ITPR3: variants seen among roughly 807,000 people sequenced by gnomAD.
ITPR3 encodes inositol 1,4,5-trisphosphate-gated calcium channel ITPR3.
In ITPR3, 173 loss-of-function variants were observed where a neutral mutation model predicts 293.2. That is an observed-to-expected ratio of 0.59 (90% CI 0.52 to 0.67). The LOEUF (loss-of-function observed/expected upper bound fraction) is 0.67, where lower values mean the gene tolerates loss of function less well. Among genes scored for constraint, ITPR3 ranks in the 30% least tolerant of loss-of-function variants. The pLI, the probability that ITPR3 is intolerant of heterozygous loss-of-function variation, is 0.00. For missense variants in ITPR3, 2,796 were observed against 3,592.1 expected, an observed-to-expected ratio of 0.78 and a Z score of 5.66; for synonymous variants, 1,295 against 1,444.4, an observed-to-expected ratio of 0.90 and a Z score of 2.35.
chr6:33,672,228 G>A lies in ITPR3; in HGVS notation c.2928G>A (p.Gln976=). 6.2e-7 allele frequency: 1 copy of A among 1,613,666 alleles called. No individual in the cohort carries two copies. Among genetic ancestry groups the A allele is most frequent in the Non-Finnish European group, 8.5e-7 (1 of 1,179,884 alleles). ...ETKLKILEIL[Q]FILNVRLDYR... is the part of the protein sequence containing the mutation. ...AGCTGAAGATCCTGGAAATCCTTCA[G>A]GTGCCTGGGCCAGGACCGTGTGGGA... Residue 976 remains glutamine, a splice_region_variant and synonymous_variant, in exon 22 of 58, where the codon CAG becomes CAA. Coordinates refer to ENST00000605930, the MANE Select transcript of ITPR3 (RefSeq NM_002224.4). This position sits in a 1 kb window ranked among gnomAD's most constrained non-coding sequence, Gnocchi z 5.0.
At position 33,633,341 on chromosome 6, in the gene ITPR3, G is replaced by A. The variant is rs1763727535; in HGVS notation, c.90-7143G>A. Among the ~76,000 whole-genome samples the A allele has an allele frequency of 6.6e-6, 1 of 152,194 alleles. No individual in the cohort carries two copies. The highest frequency in any genetic ancestry group is 2.4e-5 in the African/African-American group (1 of 41,456). ...TGTGGGGAGGCGTTGGCGAGAGGGGGGTGAAGCGAAGCGGCCACTTACCCC... is the reference window on the plus strand; with the variant it reads ...TGTGGGGAGGCGTTGGCGAGAGGGGAGTGAAGCGAAGCGGCCACTTACCCC... On this transcript the variant is annotated intron_variant, in intron 1 of 57. Transcript: ENST00000605930. The surrounding 1 kb of genome is among the most constrained non-coding windows in gnomAD (Gnocchi z 5.2).
At chr6:33,685,320 C>T (rs1224149417) in intron 39 of ITPR3, 39 bp from the exon 40 acceptor site, 23 of 1,572,008 alleles carry the variant, frequency 1.5e-5, no homozygotes, top group Non-Finnish European at 1.7e-5. Context: ...GAGCAGGGCC[C>T]AGTGCTGAGG....
chr6:33,657,863 G>A (rs1764350965), intron 3 of ITPR3, 69 bp from the exon 4 acceptor site: 14 of 1,298,418 alleles, frequency 1.1e-5, no homozygotes, highest in Non-Finnish European at 1.3e-5. Context: ...GCATGTGTGG[G>A]GCTGGGGTAT....
intron 1 of ITPR3, 32 bp from the exon 2 acceptor site, chr6:33,640,452 T>C: frequency 1.2e-6 from 2 of 1,606,332 alleles, no homozygotes; most frequent in Non-Finnish European, 1.7e-6. Flanking sequence ...AGGTCTCTTC[T>C]CTCCTGCTGA....
intron 1 of ITPR3, among the ~76,000 whole-genome samples, chr6:33,634,334 A>C (rs903229917): frequency 6.6e-6 from 1 of 152,136 alleles, no homozygotes; most frequent in African/African-American, 2.4e-5. Context: ...CTTGGGGGAC[A>C]CAGAATGGAG....
rs777648957 is a variant in ITPR3, at chr6:33,679,081, C to A, written c.3972+242C>A. On this transcript the variant is annotated intron_variant, in intron 30 of 57. Transcript: ENST00000605930. The surrounding 1 kb of genome is among the most constrained non-coding windows in gnomAD (Gnocchi z 4.2). The stretch of plus-strand genomic sequence containing the variant: ...CATCAGGCACCTAGCAGAACTCAGA[C>A]AACAGGCCAGAAAGAAATCAAGCAT... Among the ~76,000 whole-genome samples, 3 of 152,240 alleles carry A rather than the reference C, an allele frequency of 2.0e-5. No individual in the cohort carries two copies. The highest frequency in any genetic ancestry group is 6.5e-5 in the Admixed American group (1 of 15,288).
rs765666097 is a variant in ITPR3, at chr6:33,663,763, G to C, written c.1031G>C (p.Arg344Thr). 6.2e-7 allele frequency: 1 copy of C among 1,614,118 alleles called. No individual in the cohort carries two copies. The highest frequency in any genetic ancestry group is 1.1e-5 in the South Asian group (1 of 91,088). Residue 344 changes from arginine to threonine, a missense_variant, in exon 11 of 58, where the codon AGG (arginine) becomes ACG (threonine). This residue lies in a region of ITPR3 where 955 missense variants were observed against 1,180.8 expected (regional missense o/e 0.81). Coordinates refer to ENST00000605930, the MANE Select transcript of ITPR3 (RefSeq NM_002224.4). ...GGGGCACAGGGCCGCACAGGCCGCA[G>C]GAATGCTGGGGAGAAGATCAAGTAC... ...GMGAQGRTGR[R>T]NAGEKIKYCL...
Position 33,621,529 on chromosome 6 carries a change from T to C in ITPR3, c.-74T>C. 9.0e-7 allele frequency: 1 copy of C among 1,113,656 alleles called. No individual in the cohort carries two copies. Among genetic ancestry groups the C allele is most frequent in the Non-Finnish European group, 1.3e-6 (1 of 750,976 alleles). 69.0% of individuals were successfully genotyped at this position (1,113,656 alleles called of 1,614,324 possible). A position where few individuals can be genotyped will look rare whatever the true frequency, so the allele number is the denominator to read the frequency against. ...TACCCCTCCCCGCTCCCCGGACGCC[T>C]CAGTCCTCCGCACTGAGCTTGGCCA... On this transcript the variant is annotated 5_prime_UTR_variant, in exon 1 of 58. Coordinates refer to ENST00000605930, the MANE Select transcript of ITPR3 (RefSeq NM_002224.4). This position sits in a 1 kb window ranked among gnomAD's most constrained non-coding sequence, Gnocchi z 7.7.
chr6:33,687,396 T>G lies in ITPR3; in HGVS notation c.6177+69T>G. On this transcript the variant is annotated intron_variant, in intron 45 of 57. Transcript: ENST00000605930. This position sits in a 1 kb window ranked among gnomAD's most constrained non-coding sequence, Gnocchi z 5.3. ...CCATACCCCGCCCCAGCTGCCATCA[T>G]CCCCCAGTCGCCATTGTCGCCCCCC... 1 of 1,455,456 alleles carries G rather than the reference T, an allele frequency of 6.9e-7. No homozygotes were observed. Among genetic ancestry groups the G allele is most frequent in the African/African-American group, 1.4e-5 (1 of 71,440 alleles). 90.2% of individuals were successfully genotyped at this position (1,455,456 alleles called of 1,614,324 possible).
At chr6:33,626,615 T>C (rs1162490766) in intron 1 of ITPR3, among the ~76,000 whole-genome samples, 1 of 152,214 alleles carries the variant, frequency 6.6e-6, no homozygotes, top group Admixed American at 6.5e-5. Flanking sequence ...GCATCTACCA[T>C]GTGCTAGGCA....
intron 21 of ITPR3, among the ~76,000 whole-genome samples, chr6:33,671,703 A>G (rs1764771786): frequency 1.3e-5 from 2 of 152,188 alleles, no homozygotes; most frequent in Non-Finnish European, 2.9e-5. Context: ...AGAGCCTGGC[A>G]CTGGTTTTCG....
Position 33,667,897 on chromosome 6 carries a change from GA to G in ITPR3, c.1823del (p.Lys608SerfsTer66). ...GCTGCACAACAACCGCAAGCTCCTG[GA>G]AAAGCACATCACCAAGACCGAGGTG... ...ALLHNNRKLL[E>X]KHITKTEVET... On this transcript the variant is annotated frameshift_variant, in exon 16 of 58. Coordinates refer to ENST00000605930, the MANE Select transcript of ITPR3 (RefSeq NM_002224.4). LOFTEE classifies it high-confidence loss of function. The surrounding 1 kb of genome is among the most constrained non-coding windows in gnomAD (Gnocchi z 4.4). 6.2e-7 allele frequency: 1 copy of G among 1,614,216 alleles called. No homozygotes were observed. Among genetic ancestry groups the G allele is most frequent in the East Asian group, 2.2e-5 (1 of 44,878 alleles).
intron 1 of ITPR3, among the ~76,000 whole-genome samples, chr6:33,622,297 G>A (rs910822809): frequency 8.5e-5 from 13 of 152,070 alleles, no homozygotes; most frequent in African/African-American, 3.1e-4. Context: ...GTCATCTGGC[G>A]CCCTTGGGTC....
chr6:33,682,459 CTGGACCTGGGGTTGCCCAGGGTG>C lies in ITPR3; in HGVS notation c.4477-64_4477-42del. 6.8e-7 allele frequency: 1 copy of C among 1,460,268 alleles called. No homozygotes were observed. The highest frequency in any genetic ancestry group is 1.5e-5 in the South Asian group (1 of 66,004). The allele number at this position is 1,460,268 out of a possible 1,614,324, so 90.5% of individuals were successfully genotyped here. On this transcript the variant is annotated intron_variant, in intron 33 of 57. Coordinates refer to ENST00000605930, the MANE Select transcript of ITPR3 (RefSeq NM_002224.4). This position sits in a 1 kb window ranked among gnomAD's most constrained non-coding sequence, Gnocchi z 5.4. ...GCCCATTCTGATTGGGCCCTGGTTC[CTGGACCTGGGGTTGCCCAGGGTG>C]GGGGCCTGGGCTGCAGCAGCGGGCT...
rs1442325080 is a variant in ITPR3 at position 33,692,223 on chromosome 6, G to T, written c.7458+295G>T. Reference sequence around the variant, plus strand: ...GCCCACAGCAGGTGGGCAGAGGGCGGAGCTGAGTCAGCTTTATCAGGAGGC... The same window carrying T: ...GCCCACAGCAGGTGGGCAGAGGGCGTAGCTGAGTCAGCTTTATCAGGAGGC... On this transcript the variant is annotated intron_variant, in intron 54 of 57. Transcript: ENST00000605930. This position sits in a 1 kb window ranked among gnomAD's most constrained non-coding sequence, Gnocchi z 4.2. Among the ~76,000 whole-genome samples, 14 of 152,238 alleles carry T rather than the reference G, an allele frequency of 9.2e-5. No homozygotes were observed. Among genetic ancestry groups the T allele is most frequent in the Admixed American group, 9.2e-4 (14 of 15,290 alleles).
rs1212355702 is a variant in ITPR3 at position 33,632,705 on chromosome 6, T to A, written c.90-7779T>A. On this transcript the variant is annotated intron_variant, in intron 1 of 57. Coordinates refer to ENST00000605930, the MANE Select transcript of ITPR3 (RefSeq NM_002224.4). The surrounding 1 kb of genome is among the most constrained non-coding windows in gnomAD (Gnocchi z 4.1). ...AGCCCCATCCTCCTGCTCCCTCTGC[T>A]GTTCAGACTGGTCTTGTGCCTCCCA... Among the ~76,000 whole-genome samples, 1 of 152,252 alleles carries A rather than the reference T, an allele frequency of 6.6e-6. No homozygotes were observed. The highest frequency in any genetic ancestry group is 2.4e-5 in the African/African-American group (1 of 41,474).
chr6:33,687,297 G>A lies in ITPR3; in HGVS notation c.6147G>A (p.Val2049=), dbSNP rs759315696. The change falls in exon 45 of 58, where the codon GTG becomes GTA. Residue 2049 remains valine (V), a synonymous_variant. Transcript: ENST00000605930. This position sits in a 1 kb window ranked among gnomAD's most constrained non-coding sequence, Gnocchi z 5.3. ...ACTCGGAGGTGAGCCCACGTGAAGT[G>A]GGCCATAACATCTATATCCTGGCGC... ...RENSEVSPRE[V]GHNIYILALQ... is the part of the protein sequence containing the mutation. 1 of 1,612,790 alleles carries A rather than the reference G, an allele frequency of 6.2e-7. No individual in the cohort carries two copies. The highest frequency in any genetic ancestry group is 2.2e-5 in the East Asian group (1 of 44,836).
chr6:33,677,212 C>T, intron 27 of ITPR3, 123 bp downstream of exon 27: 1 of 924,880 alleles, frequency 1.1e-6, no homozygotes. Flanking sequence ...AGACATCTTT[C>T]AGCCTTTGCT....
rs542830036 is a variant in ITPR3 at position 33,633,813 on chromosome 6, GGCGGGGCGGGC to G, written c.90-6649_90-6639del. Among the ~76,000 whole-genome samples the G allele has an allele frequency of 0.3, 42,992 of 140,992 alleles. 7,437 individuals carry two copies. The highest frequency in any genetic ancestry group is 0.47 in the East Asian group (2,155 of 4,624). 92.5% of individuals were successfully genotyped at this position (140,992 alleles called of 152,430 possible). ...AGCTCGCGGGCCGGGCCAGGCTGGG[GGCGGGGCGGGC>G]GCGGGGCGGGCGCGGGGCGGGGCCG... is the stretch of plus-strand genomic sequence containing the variant. On this transcript the variant is annotated intron_variant, in intron 1 of 57. Transcript: ENST00000605930. The surrounding 1 kb of genome is among the most constrained non-coding windows in gnomAD (Gnocchi z 5.2).
Sources: gnomAD v4.1 joint callset for allele counts (sites outside exome capture counted in the v4.1 genomes callset) on GRCh38, gnomAD v4.1.1 for gene constraint, gnomAD v4.1.1 regional missense constraint, Gnocchi (gnomAD v3.1) non-coding constraint, MANE v1.5 for transcripts, NCBI Gene and HGNC (gene_info 2026-07-23, HGNC 2026-07-21) for gene names.